BAAT: variants seen among roughly 807,000 people sequenced by gnomAD.
BAAT encodes the protein bile acid CoA: amino acid N-acyltransferase (glycine N-choloyltransferase).
BAAT carries 13 observed loss-of-function variants against 18.9 expected under a neutral mutation model. The observed-to-expected ratio is 0.69, with a 90% CI of 0.45 to 1.10. BAAT has a LOEUF of 1.10. Ranked by LOEUF, BAAT falls within the 50% of genes least tolerant of loss-of-function variation. The pLI is 0.00. For synonymous variants in BAAT, 170 were observed against 190.7 expected (o/e 0.89, Z 0.89); for missense variants, 489 against 504.0 (o/e 0.97, Z 0.28).
rs531109459 is a variant in BAAT, at chr9:101,371,502, G to A, written c.-59-39C>T. On this transcript the variant is annotated intron_variant, in intron 1 of 3. Transcript: ENST00000259407. ...GAAAGAGGAGCAGTAAAATAAAGTA[G>A]AGATAAGGGTTGATGAAAGGTGAAT... 139 of 1,221,696 alleles carry A rather than the reference G, an allele frequency of 1.1e-4. No individual in the cohort carries two copies. The African/African-American group carries it at 2.0e-3, about 18-fold the overall frequency. 75.7% of individuals were successfully genotyped at this position (1,221,696 alleles called of 1,614,324 possible). A position where few individuals can be genotyped will look rare whatever the true frequency, so the allele number is the denominator to read the frequency against.
intron 3 of BAAT, among the ~76,000 whole-genome samples, chr9:101,367,116 GAAAA>G (rs66591298): frequency 1.4e-3 from 138 of 99,674 alleles, no homozygotes; most frequent in African/African-American, 5.2e-3. Context: ...GTCAAAAAAA[GAAAA>G]AAAAAAAAAA....
chr9:101,376,789 G>A (rs889495814), intron 1 of BAAT, among the ~76,000 whole-genome samples: 4 of 152,212 alleles, frequency 2.6e-5, no homozygotes, highest in African/African-American at 9.6e-5. Context: ...GTTTCAAAAT[G>A]AATGGAAGAA....
rs377254033 is a variant in BAAT, at chr9:101,375,326, T to C, written c.-59-3863A>G. Reference sequence around the variant, plus strand: ...TACCTACTCTCAGGTATGTCTTTATTAGCAGTGTGTGAACAGACTAATACA... The same window carrying C: ...TACCTACTCTCAGGTATGTCTTTATCAGCAGTGTGTGAACAGACTAATACA... On this transcript the variant is annotated intron_variant, in intron 1 of 3. Transcript: ENST00000259407. 19 of 161,588 alleles carry C rather than the reference T, an allele frequency of 1.2e-4. No individual in the cohort carries two copies. The East Asian group carries it at 2.9e-3, about 24-fold the overall frequency. 10.0% of individuals were successfully genotyped at this position (161,588 alleles called of 1,614,324 possible). A position where few individuals can be genotyped will look rare whatever the true frequency, so the allele number is the denominator to read the frequency against.
chr9:101,362,366 A>G lies in BAAT; in HGVS notation c.*62T>C. The G allele has an allele frequency of 6.5e-7, 1 of 1,539,366 alleles. No individual in the cohort carries two copies. Among genetic ancestry groups the G allele is most frequent in the Non-Finnish European group, 8.9e-7 (1 of 1,119,574 alleles). ...GCTGGGGGAGACATTCCGCCATGAA[A>G]ATTGAGAGAAGGTCCCGGTAAAGAG... On this transcript the variant is annotated 3_prime_UTR_variant, in exon 4 of 4. Coordinates refer to ENST00000259407, the MANE Select transcript of BAAT (RefSeq NM_001701.4).
chr9:101,362,990 A>C lies in BAAT; in HGVS notation c.695T>G (p.Val232Gly). Residue 232 changes from valine (V) to glycine (G), a missense_variant, in exon 4 of 4, where the codon GTC becomes GGC. Transcript: ENST00000259407. ...AATCTGTACTCCTTGACATACAGAG[A>C]CTACCCCAACGCCTGAGCCAAAGAC... is the stretch of plus-strand genomic sequence containing the variant. ...PKVFGSGVGVVSVCQGVQIGL... is the reference protein window; with the variant it reads ...PKVFGSGVGVGSVCQGVQIGL... 2 of 1,614,048 alleles carry C rather than the reference A, an allele frequency of 1.2e-6. No individual in the cohort carries two copies. Among genetic ancestry groups the C allele is most frequent in the Non-Finnish European group, 1.7e-6 (2 of 1,179,974 alleles).
At chr9:101,365,461 T>C (rs1277297896) in intron 3 of BAAT, among the ~76,000 whole-genome samples, 1 of 152,146 alleles carries the variant, frequency 6.6e-6, no homozygotes, top group Non-Finnish European at 1.5e-5. Flanking sequence ...CAGGGGTGGC[T>C]TGAATCAATT....
At chr9:101,376,125 GTTT>G (rs11420217) in intron 1 of BAAT, 1 of 155,562 alleles carries the variant, frequency 6.4e-6, no homozygotes, top group Non-Finnish European at 1.4e-5. Context: ...TGGCTGGAAT[GTTT>G]TTTTTTTCTG....
rs756006531 is a variant in BAAT at position 101,362,549 on chromosome 9, T to C, written c.1136A>G (p.Asp379Gly). 6.2e-7 allele frequency: 1 copy of C among 1,614,072 alleles called. No homozygotes were observed. Among genetic ancestry groups the C allele is most frequent in the African/African-American group, 1.3e-5 (1 of 75,010 alleles). Reference protein sequence around the residue: ...SPLCCASTTHDLRLHWGGEVI... With the variant: ...SPLCCASTTHGLRLHWGGEVI... Reference sequence around the variant, plus strand: ...CTCTCCTCCCCAGTGTAACCTCAAATCGTGGGTCGTTGAGGCACAGCACAG... The same window carrying C: ...CTCTCCTCCCCAGTGTAACCTCAAACCGTGGGTCGTTGAGGCACAGCACAG... Residue 379 changes from aspartate to glycine, a missense_variant, in exon 4 of 4, where the codon GAT becomes GGT. Transcript: ENST00000259407.
Position 101,371,258 on chromosome 9 carries a change from G to C in BAAT, c.147C>G (p.His49Gln). 1 of 1,613,176 alleles carries C rather than the reference G, an allele frequency of 6.2e-7. No homozygotes were observed. Among genetic ancestry groups the C allele is most frequent in the Non-Finnish European group, 8.5e-7 (1 of 1,179,294 alleles). ...CCTCACCGAATTCATTGGCCCTATA[G>C]TGGGCTTGAGAATAAAACATGTCTC... ...ENGDMFYSQA[H>Q]YRANEFGEVD... Residue 49 changes from histidine to glutamine, a missense_variant, in exon 2 of 4, where the codon CAC (histidine) becomes CAG (glutamine). Transcript: ENST00000259407.
Position 101,362,166 on chromosome 9 carries a change from T to C in BAAT, c.*262A>G, listed in dbSNP as rs2119012378. The C allele has an allele frequency of 1.8e-6, 1 of 567,736 alleles. No homozygotes were observed. The highest frequency in any genetic ancestry group is 3.1e-5 in the East Asian group (1 of 32,534). The allele number at this position is 567,736 out of a possible 1,614,324, so 35.2% of individuals were successfully genotyped here. On this transcript the variant is annotated 3_prime_UTR_variant, in exon 4 of 4. Coordinates refer to ENST00000259407, the MANE Select transcript of BAAT (RefSeq NM_001701.4). ...GCCAGTGTACTATACCTCAGTCCTA[T>C]TTAGAAGACCTGATGGAAAGAAAAG... is the stretch of plus-strand genomic sequence containing the variant.
intron 1 of BAAT, among the ~76,000 whole-genome samples, chr9:101,379,760 T>C (rs1454282567): frequency 6.6e-6 from 1 of 152,206 alleles, no homozygotes; most frequent in African/African-American, 2.4e-5. Flanking sequence ...CGGTTTTAAT[T>C]TTCTTCATGT....
At position 101,362,389 on chromosome 9, in the gene BAAT, G is replaced by C; in HGVS notation, c.*39C>G. On this transcript the variant is annotated 3_prime_UTR_variant, in exon 4 of 4. Transcript: ENST00000259407. ...AAAATTGAGAGAAGGTCCCGGTAAA[G>C]AGATTTGCTTCTTTATTTTCTAGGA... The C allele has an allele frequency of 6.3e-7, 1 of 1,596,522 alleles. No homozygotes were observed. The highest frequency in any genetic ancestry group is 1.7e-5 in the Admixed American group (1 of 59,724).
chr9:101,362,622 G>C lies in BAAT; in HGVS notation c.1063C>G (p.Leu355Val). The C allele has an allele frequency of 6.2e-7, 1 of 1,614,156 alleles. No homozygotes were observed. ...AGGTGGCCTGCCCCAGGGTAAGATA[G>C]CAGGGTCCAGTTGTTCTTCCCATGT... ...KRHGKNNWTLLSYPGAGHLIE... is the reference protein window; with the variant it reads ...KRHGKNNWTLVSYPGAGHLIE... The change falls in exon 4 of 4, where the codon CTA becomes GTA. Residue 355 changes from leucine (L) to valine (V), a missense_variant. By Grantham distance (32) the Leu-to-Val change is conservative (BLOSUM62 1). Coordinates refer to ENST00000259407, the MANE Select transcript of BAAT (RefSeq NM_001701.4).
intron 1 of BAAT, among the ~76,000 whole-genome samples, chr9:101,378,717 A>G (rs1302617798): frequency 6.6e-6 from 1 of 152,238 alleles, no homozygotes; most frequent in Admixed American, 6.5e-5. Flanking sequence ...CCAGAAGCCA[A>G]AATTGACAAA....
intron 3 of BAAT, among the ~76,000 whole-genome samples, chr9:101,366,780 G>A (rs1829836305): frequency 1.3e-5 from 2 of 151,672 alleles, no homozygotes; most frequent in African/African-American, 4.8e-5. Context: ...TCTTATTTCT[G>A]CAAACCTGAT....
intron 1 of BAAT, among the ~76,000 whole-genome samples, chr9:101,383,731 C>T (rs973898370): frequency 6.6e-6 from 1 of 152,196 alleles, no homozygotes; most frequent in South Asian, 2.1e-4. Flanking sequence ...ATTGCCACTA[C>T]ATTTTACTCA....
chr9:101,382,134 G>A (rs1267444590), intron 1 of BAAT, among the ~76,000 whole-genome samples: 1 of 152,146 alleles, frequency 6.6e-6, no homozygotes, highest in Non-Finnish European at 1.5e-5. Context: ...CCACCAGAAT[G>A]TCAGGTGACT....
Position 101,371,456 on chromosome 9 carries a change from C to T in BAAT, c.-52G>A. On this transcript the variant is annotated 5_prime_UTR_variant, in exon 2 of 4. Transcript: ENST00000259407. ...TCTTCAGGAATATCTTCAGCAAAAC[C>T]TCAAAACCTCAAAAAAGAAAGAAAG... 6.6e-7 allele frequency: 1 copy of T among 1,504,736 alleles called. No homozygotes were observed. Among genetic ancestry groups the T allele is most frequent in the South Asian group, 1.1e-5 (1 of 87,968 alleles). 93.2% of individuals were successfully genotyped at this position (1,504,736 alleles called of 1,614,324 possible). A position where few individuals can be genotyped will look rare whatever the true frequency, so the allele number is the denominator to read the frequency against.
intron 1 of BAAT, among the ~76,000 whole-genome samples, chr9:101,382,715 G>A (rs1003029025): frequency 5.3e-5 from 8 of 152,100 alleles, no homozygotes; most frequent in Non-Finnish European, 1.0e-4. Flanking sequence ...GATTGCTGCA[G>A]ACCCATACAG....
Sources: allele counts gnomAD v4.1 joint callset (sites outside exome capture counted in the v4.1 genomes callset), GRCh38; gene constraint gnomAD v4.1.1; transcripts MANE v1.5; gene names NCBI Gene and HGNC (gene_info 2026-07-23, HGNC 2026-07-21).